RBFOX1: variants seen among roughly 807,000 people sequenced by gnomAD.
RBFOX1 encodes the protein RNA binding protein fox-1 homolog 1.
Under a neutral mutation model 57.7 loss-of-function variants are expected in RBFOX1, and 8 were observed. That is an observed-to-expected ratio of 0.14 (90% confidence interval 0.08 to 0.25). The LOEUF (loss-of-function observed/expected upper bound fraction) is 0.25, where lower values mean the gene tolerates loss of function less well. RBFOX1 is among the 10% of genes least tolerant of loss of function. RBFOX1 has a pLI of 1.00. For synonymous variants in RBFOX1, 326 were observed against 222.4 expected (o/e 1.47, Z -4.15); for missense variants, 611 against 548.5 (o/e 1.11, Z -1.14).
At chr16:5,756,653 C>G (rs534118482) in intron 3 of RBFOX1, among the ~76,000 whole-genome samples, 2 of 152,290 alleles carry the variant, frequency 1.3e-5, no homozygotes, top group Admixed American at 6.5e-5. Flanking sequence ...TTCCAGCCAT[C>G]GAATGACTAA....
chr16:6,822,313 C>T (rs1248941149), intron 3 of RBFOX1, among the ~76,000 whole-genome samples: 1 of 152,160 alleles, frequency 6.6e-6, no homozygotes, highest in Non-Finnish European at 1.5e-5. Context: ...GTTGGACATG[C>T]ACATTCTTCA....
At chr16:6,415,171 A>T (rs1272729682) in intron 2 of RBFOX1, among the ~76,000 whole-genome samples, 1 of 145,476 alleles carries the variant, frequency 6.9e-6, no homozygotes, top group Non-Finnish European at 1.5e-5. Context: ...TGAACCAGGG[A>T]GTCGGAGGTT....
intron 4 of RBFOX1, among the ~76,000 whole-genome samples, chr16:7,364,909 A>G (rs73549036): frequency 0.041 from 6,227 of 152,254 alleles, 263 homozygotes; most frequent in East Asian, 0.15. Flanking sequence ...GGTGTAATGG[A>G]TACTAGTGAA....
rs992992826 is a variant in RBFOX1, at chr16:6,264,793, T to C, written c.-126-52202T>C. Among the ~76,000 whole-genome samples the C allele has an allele frequency of 2.6e-5, 4 of 151,902 alleles. No individual in the cohort carries two copies. The South Asian group carries it at 8.3e-4, about 31-fold the overall frequency. Reference sequence around the variant, plus strand: ...TTTCTTAGCATGCCACTGAAACTTCTAACTATCTGATTAGTTTTTTTGTTT... The same window carrying C: ...TTTCTTAGCATGCCACTGAAACTTCCAACTATCTGATTAGTTTTTTTGTTT... On this transcript the variant is annotated intron_variant, in intron 1 of 15. Transcript: ENST00000550418.
At chr16:6,419,069 G>A (rs571778070) in intron 2 of RBFOX1, among the ~76,000 whole-genome samples, 2 of 152,230 alleles carry the variant, frequency 1.3e-5, no homozygotes, top group South Asian at 4.1e-4. Flanking sequence ...CACATCTCCA[G>A]GGTTATCTTT....
intron 1 of RBFOX1, among the ~76,000 whole-genome samples, chr16:5,461,490 T>G (rs2068786901): frequency 6.6e-6 from 1 of 152,202 alleles, no homozygotes; most frequent in African/African-American, 2.4e-5. Context: ...GCCCTGCAGC[T>G]GCAACCAACC....
chr16:5,829,321 T>C (rs1353861586), intron 3 of RBFOX1, among the ~76,000 whole-genome samples: 2 of 152,184 alleles, frequency 1.3e-5, no homozygotes, highest in Non-Finnish European at 2.9e-5. Context: ...GGGAGTCACA[T>C]GATGAGCTAT....
At chr16:5,447,776 G>A (rs900610117) in intron 1 of RBFOX1, among the ~76,000 whole-genome samples, 1 of 152,194 alleles carries the variant, frequency 6.6e-6, no homozygotes, top group Admixed American at 6.5e-5. Flanking sequence ...TTTCTCTGCA[G>A]ATGGCAGTGA....
chr16:5,257,641 C>T (rs2062621995), intron 1 of RBFOX1, among the ~76,000 whole-genome samples: 1 of 152,168 alleles, frequency 6.6e-6, no homozygotes. Context: ...TGAGGAAGAT[C>T]ACTGTGTGTT....
At chr16:7,453,267 C>T (rs926948279) in intron 4 of RBFOX1, among the ~76,000 whole-genome samples, 3 of 151,902 alleles carry the variant, frequency 2.0e-5, no homozygotes, top group African/African-American at 7.3e-5. Context: ...GAGTAGCATT[C>T]CAGGCTGTGG....
chr16:5,746,800 A>G (rs2053000876), intron 3 of RBFOX1, among the ~76,000 whole-genome samples: 1 of 152,218 alleles, frequency 6.6e-6, no homozygotes. Context: ...GTATCCTGAG[A>G]CTTTGCTGAA....
At chr16:7,358,422 G>GT (rs2097258542) in intron 4 of RBFOX1, among the ~76,000 whole-genome samples, 1 of 151,966 alleles carries the variant, frequency 6.6e-6, no homozygotes, top group South Asian at 2.1e-4. Context: ...TTTGTTTTTT[G>GT]TTTTTTGTTT....
intron 3 of RBFOX1, among the ~76,000 whole-genome samples, chr16:5,801,452 C>T (rs1050363284): frequency 1.1e-4 from 17 of 150,836 alleles, no homozygotes; most frequent in Admixed American, 9.9e-4. Context: ...TCTCAGTGTG[C>T]GAGTTAATTT....
chr16:6,831,207 C>G (rs577674701), intron 3 of RBFOX1, among the ~76,000 whole-genome samples: 1 of 152,314 alleles, frequency 6.6e-6, no homozygotes, highest in South Asian at 2.1e-4. Context: ...GACAACACAG[C>G]TTAGTCTTAC....
intron 1 of RBFOX1, among the ~76,000 whole-genome samples, chr16:6,113,663 G>C (rs1448054944): frequency 6.6e-6 from 1 of 152,172 alleles, no homozygotes; most frequent in Non-Finnish European, 1.5e-5. Flanking sequence ...ACACCAGAGG[G>C]GTATGAGGAG....
chr16:6,641,836 C>T (rs1037249498), intron 2 of RBFOX1, among the ~76,000 whole-genome samples: 4 of 151,468 alleles, frequency 2.6e-5, no homozygotes, highest in Non-Finnish European at 4.4e-5. Flanking sequence ...TTGCTCCCTC[C>T]TCGCTAACGT....
In RBFOX1 at chr16:6,019,679, G is replaced by A; in HGVS notation, c.-440G>A. 7.5e-7 allele frequency: 1 copy of A among 1,333,276 alleles called. No homozygotes were observed. 82.6% of individuals were successfully genotyped at this position (1,333,276 alleles called of 1,614,324 possible). ...CCCCGCCCCGGCGTCCGGAGCAGGAGAACTCCGAGCTTCTTGCCCAGGCAG... is the reference window on the plus strand; with the variant it reads ...CCCCGCCCCGGCGTCCGGAGCAGGAAAACTCCGAGCTTCTTGCCCAGGCAG... On this transcript the variant is annotated 5_prime_UTR_variant, in exon 1 of 16. Coordinates refer to ENST00000550418, the MANE Select transcript of RBFOX1 (RefSeq NM_018723.4). The surrounding 1 kb of genome is among the most constrained non-coding windows in gnomAD (Gnocchi z 4.2).
At chr16:6,612,517 C>T (rs984369316) in intron 2 of RBFOX1, among the ~76,000 whole-genome samples, 6 of 152,164 alleles carry the variant, frequency 3.9e-5, no homozygotes, top group Admixed American at 1.3e-4. Context: ...GGATGGTGAG[C>T]TTGCCATGAG....
At chr16:7,572,700 G>C (rs1032861028) in intron 5 of RBFOX1, among the ~76,000 whole-genome samples, 3 of 152,106 alleles carry the variant, frequency 2.0e-5, no homozygotes. Context: ...TTAGCTGGGC[G>C]TAGTGGCTGG....
Sources: gnomAD v4.1 joint callset for allele counts (sites outside exome capture counted in the v4.1 genomes callset) on GRCh38, gnomAD v4.1.1 for gene constraint, Gnocchi (gnomAD v3.1) non-coding constraint, MANE v1.5 for transcripts, NCBI Gene and HGNC (gene_info 2026-07-23, HGNC 2026-07-21) for gene names.